XKR9: variants seen among roughly 807,000 people sequenced by gnomAD.
The protein encoded by XKR9 is XK-related protein 9.
A neutral mutation model predicts 32.0 loss-of-function variants in XKR9; 32 were observed. That is an observed-to-expected ratio of 1.00 (90% CI 0.76 to 1.34). The LOEUF (loss-of-function observed/expected upper bound fraction) is 1.34, where lower values mean the gene tolerates loss of function less well. Ranked by LOEUF, XKR9 falls within the 40% of genes most tolerant of loss-of-function variation. The pLI is 0.00. For missense variants in XKR9, 546 were observed against 429.7 expected (o/e 1.27, Z -2.39); for synonymous variants, 168 against 143.4 (o/e 1.17, Z -1.22).
the XKR9 span, among the ~76,000 whole-genome samples, chr8:70,856,191 TAA>T: frequency 2.0e-5 from 3 of 152,082 alleles, no homozygotes; most frequent in African/African-American, 7.2e-5. Flanking sequence ...GCAAATTGGA[TAA>T]AGAGTGAAGA....
chr8:70,759,689 C>T (rs963382371), intron 2 of XKR9, among the ~76,000 whole-genome samples: 6 of 152,174 alleles, frequency 3.9e-5, no homozygotes, highest in Admixed American at 3.9e-4. Flanking sequence ...TTTTAATTAC[C>T]GTATTGGTAT....
chr8:70,818,194 TTA>T, the XKR9 span, among the ~76,000 whole-genome samples: 1 of 129,818 alleles, frequency 7.7e-6, no homozygotes, highest in Non-Finnish European at 1.8e-5. Context: ...TTTTGTTTAT[TTA>T]TTTTTTTTTT....
At chr8:70,896,876 A>G in the XKR9 span, among the ~76,000 whole-genome samples, 1 of 152,162 alleles carries the variant, frequency 6.6e-6, no homozygotes, top group Non-Finnish European at 1.5e-5. Context: ...TTTATGTTAC[A>G]AACAATCCAA....
At chr8:71,026,763 T>C in the XKR9 span, among the ~76,000 whole-genome samples, 1 of 152,208 alleles carries the variant, frequency 6.6e-6, no homozygotes, top group Non-Finnish European at 1.5e-5. Context: ...CTGACAGTGA[T>C]AATTTGAGTA....
intron 2 of XKR9, among the ~76,000 whole-genome samples, chr8:70,758,319 T>C (rs73684545): frequency 0.072 from 11,034 of 152,206 alleles, 474 homozygotes; most frequent in Non-Finnish European, 0.089. Flanking sequence ...GCTGGTAAAC[T>C]CCAATAATTG....
At chr8:70,978,227 C>T in the XKR9 span, among the ~76,000 whole-genome samples, 1 of 152,076 alleles carries the variant, frequency 6.6e-6, no homozygotes, top group Non-Finnish European at 1.5e-5. Flanking sequence ...GCATTTAGCC[C>T]ATTTACATTT....
chr8:70,746,439 TATATA>T (rs1247256895), intron 2 of XKR9, among the ~76,000 whole-genome samples: 2 of 147,726 alleles, frequency 1.4e-5, no homozygotes, highest in African/African-American at 4.9e-5. Flanking sequence ...TATATAGAAA[TATATA>T]ATGTATAAAA....
intron 2 of XKR9, among the ~76,000 whole-genome samples, chr8:70,778,077 A>T (rs1807558488): frequency 6.6e-6 from 1 of 152,058 alleles, no homozygotes; most frequent in African/African-American, 2.4e-5. Context: ...TAAGGTTTTT[A>T]TGGTTTTAGG....
At chr8:70,948,812 C>G in the XKR9 span, among the ~76,000 whole-genome samples, 8 of 152,204 alleles carry the variant, frequency 5.3e-5, no homozygotes, top group South Asian at 1.7e-3. Context: ...CCAATTTGTC[C>G]ATTAGTGGAA....
downstream of XKR9, among the ~76,000 whole-genome samples, chr8:70,792,863 A>C (rs191254584): frequency 6.6e-6 from 1 of 152,174 alleles, no homozygotes; most frequent in African/African-American, 2.4e-5. Context: ...GAAGAAAGCT[A>C]TCTATGTACC....
the XKR9 span, among the ~76,000 whole-genome samples, chr8:71,049,281 T>G: frequency 6.6e-6 from 1 of 152,228 alleles, no homozygotes; most frequent in Non-Finnish European, 1.5e-5. Flanking sequence ...AAACAAGATC[T>G]GTCTTCATTG....
intron 3 of XKR9, among the ~76,000 whole-genome samples, chr8:70,685,634 G>T (rs935245371): frequency 6.8e-6 from 1 of 147,680 alleles, no homozygotes; most frequent in Admixed American, 6.8e-5. Flanking sequence ...TATTGCAAGG[G>T]CAAAAAACCA....
At chr8:70,956,802 G>A in the XKR9 span, among the ~76,000 whole-genome samples, 8 of 152,198 alleles carry the variant, frequency 5.3e-5, no homozygotes, top group Non-Finnish European at 1.0e-4. Context: ...AGTGGGTGTC[G>A]GGAGTGGGGA....
chr8:70,672,935 T>TGAGTTC (rs1339901945), intron 1 of XKR9, among the ~76,000 whole-genome samples: 3 of 152,178 alleles, frequency 2.0e-5, no homozygotes, highest in African/African-American at 7.2e-5. Flanking sequence ...TTGTTGAGTT[T>TGAGTTC]GAGTTCCTTG....
the XKR9 span, among the ~76,000 whole-genome samples, chr8:70,801,358 G>T: frequency 6.6e-6 from 1 of 152,196 alleles, no homozygotes; most frequent in Admixed American, 6.5e-5. Context: ...AGAGATTCTG[G>T]TATGTTGTAT....
chr8:70,895,406 A>C, the XKR9 span, among the ~76,000 whole-genome samples: 1 of 152,086 alleles, frequency 6.6e-6, no homozygotes. Flanking sequence ...AGGGGCTTCT[A>C]ATTAATTGGC....
intron 2 of XKR9, among the ~76,000 whole-genome samples, chr8:70,773,508 A>T (rs757390166): frequency 9.2e-5 from 14 of 152,182 alleles, no homozygotes; most frequent in Non-Finnish European, 1.9e-4. Context: ...GTTGTTGTAA[A>T]GTGGCCTCAA....
chr8:70,762,624 G>C (rs946395571), intron 2 of XKR9, among the ~76,000 whole-genome samples: 1 of 152,128 alleles, frequency 6.6e-6, no homozygotes, highest in Non-Finnish European at 1.5e-5. Flanking sequence ...TTTCTGTTCA[G>C]TAATGCAGTC....
At position 70,734,323 on chromosome 8, in the gene XKR9, G is replaced by A. The variant is rs772607792; in HGVS notation, c.1021G>A (p.Gly341Arg). The change falls in exon 5 of 5, where the codon GGG (glycine) becomes AGG (arginine). Residue 341 changes from glycine (G) to arginine (R), a missense_variant. Transcript: ENST00000408926. ...AATTCTTTTTCTTATTGTTTATTAT[G>A]GGAGTTTTCACCCAAACAGAAGTGC... ...LGILFLIVYY[G>R]SFHPNRSAET... The A allele has an allele frequency of 6.2e-7, 1 of 1,612,148 alleles. No individual in the cohort carries two copies. Among genetic ancestry groups the A allele is most frequent in the Non-Finnish European group, 8.5e-7 (1 of 1,179,404 alleles).
Sources: gnomAD v4.1 joint callset for allele counts (sites outside exome capture counted in the v4.1 genomes callset) on GRCh38, gnomAD v4.1.1 for gene constraint, MANE v1.5 for transcripts, NCBI Gene and HGNC (gene_info 2026-07-23, HGNC 2026-07-21) for gene names.